The following PDE4B variants were observed in gnomAD, a reference collection of about 807,000 sequenced individuals.
PDE4B encodes 3',5'-cyclic-AMP phosphodiesterase 4B.
PDE4B carries 20 observed loss-of-function variants against 82.2 expected under a neutral mutation model. That is an observed-to-expected ratio of 0.24 (90% CI 0.17 to 0.35). The LOEUF is 0.35. Among genes scored for constraint, PDE4B ranks in the 10% least tolerant of loss-of-function variants. The probability of loss-of-function intolerance (pLI) is 1.00; values close to 1 mark genes in which losing one functional copy is unlikely to be tolerated. For synonymous variants in PDE4B, 320 were observed against 318.9 expected (o/e 1.00, Z -0.04); for missense variants, 655 against 907.2 (o/e 0.72, Z 3.57).
intron 7 of PDE4B, among the ~76,000 whole-genome samples, chr1:66,288,737 G>T (rs868280035): frequency 6.6e-6 from 1 of 152,112 alleles, no homozygotes; most frequent in African/African-American, 2.4e-5. Flanking sequence ...GAACAAAATT[G>T]TACCTTAGTG....
chr1:65,998,723 T>G (rs1162328025), intron 3 of PDE4B, among the ~76,000 whole-genome samples: 1 of 152,152 alleles, frequency 6.6e-6, no homozygotes, highest in Non-Finnish European at 1.5e-5. Flanking sequence ...TAGATAGTAC[T>G]AGCTGGTACA....
intron 1 of PDE4B, among the ~76,000 whole-genome samples, chr1:65,811,172 G>C (rs1375830891): frequency 6.6e-6 from 1 of 152,180 alleles, no homozygotes; most frequent in East Asian, 1.9e-4. Context: ...CTTATCCTTA[G>C]AACACCCCAT....
At chr1:66,225,410 C>T (rs150539624) in intron 3 of PDE4B, among the ~76,000 whole-genome samples, 31 of 152,218 alleles carry the variant, frequency 2.0e-4, no homozygotes, top group East Asian at 5.8e-4. Context: ...AGAATTCCTG[C>T]GTTTTTGAAG....
intron 3 of PDE4B, among the ~76,000 whole-genome samples, chr1:66,228,400 G>A (rs990556159): frequency 2.6e-5 from 4 of 152,032 alleles, no homozygotes; most frequent in African/African-American, 7.2e-5. Context: ...CAAGGCGGGC[G>A]GATCACGAGG....
intron 3 of PDE4B, among the ~76,000 whole-genome samples, chr1:66,180,096 A>C (rs1418257143): frequency 6.6e-6 from 1 of 152,240 alleles, no homozygotes; most frequent in Non-Finnish European, 1.5e-5. Flanking sequence ...AACAGAAATG[A>C]GTAACATGTT....
At chr1:66,204,725 G>A (rs1011570555) in intron 3 of PDE4B, among the ~76,000 whole-genome samples, 5 of 152,184 alleles carry the variant, frequency 3.3e-5, no homozygotes, top group Admixed American at 1.3e-4. Flanking sequence ...GGAGTGACCC[G>A]ATTTTCCAGG....
intron 1 of PDE4B, among the ~76,000 whole-genome samples, chr1:65,851,677 CTT>C (rs1348332462): frequency 6.6e-6 from 1 of 151,824 alleles, no homozygotes; most frequent in Non-Finnish European, 1.5e-5. Flanking sequence ...GGGATTAAAT[CTT>C]GAGTCCTTGT....
At chr1:66,185,086 G>C (rs4655600) in intron 3 of PDE4B, among the ~76,000 whole-genome samples, 1 of 151,854 alleles carries the variant, frequency 6.6e-6, no homozygotes, top group Admixed American at 6.6e-5. Flanking sequence ...GAGAACATGC[G>C]GTGTTTGGTT....
chr1:65,857,511 G>A (rs1254192602), intron 1 of PDE4B, among the ~76,000 whole-genome samples: 1 of 152,168 alleles, frequency 6.6e-6, no homozygotes, highest in Non-Finnish European at 1.5e-5. Context: ...GAGAAGCGAT[G>A]TGGATACCTG....
intron 1 of PDE4B, among the ~76,000 whole-genome samples, chr1:65,799,936 C>A (rs1267826734): frequency 3.9e-5 from 6 of 152,202 alleles, no homozygotes; most frequent in Admixed American, 1.3e-4. Flanking sequence ...CACCTTCTTA[C>A]TATATGGAGA....
chr1:66,221,199 C>T (rs992130678), intron 3 of PDE4B, among the ~76,000 whole-genome samples: 4 of 152,046 alleles, frequency 2.6e-5, no homozygotes, highest in African/African-American at 9.7e-5. Context: ...TGGAAAGTGG[C>T]CACCCTCCTA....
chr1:66,097,874 T>TG (rs1645148023), intron 3 of PDE4B, among the ~76,000 whole-genome samples: 2 of 151,604 alleles, frequency 1.3e-5, no homozygotes, highest in Admixed American at 6.6e-5. Context: ...TTTTTTTTTT[T>TG]TGTATTTTTT....
At chr1:66,082,260 A>G (rs568308316) in intron 3 of PDE4B, among the ~76,000 whole-genome samples, 1 of 152,198 alleles carries the variant, frequency 6.6e-6, no homozygotes, top group South Asian at 2.1e-4. Flanking sequence ...CTGGCTGAGA[A>G]CAAGGAGCCT....
intron 3 of PDE4B, among the ~76,000 whole-genome samples, chr1:66,011,607 A>G (rs753415459): frequency 1.3e-5 from 2 of 152,112 alleles, no homozygotes; most frequent in Non-Finnish European, 2.9e-5. Flanking sequence ...GATGACAGAC[A>G]CTATTTCCTA....
At chr1:66,041,815 C>CAT (rs1437797699) in intron 3 of PDE4B, among the ~76,000 whole-genome samples, 2 of 74,984 alleles carry the variant, frequency 2.7e-5, no homozygotes, top group Non-Finnish European at 5.4e-5. Context: ...CACACACACA[C>CAT]ACACACACAC....
At chr1:65,962,609 A>G (rs1308023725) in intron 3 of PDE4B, among the ~76,000 whole-genome samples, 1 of 152,186 alleles carries the variant, frequency 6.6e-6, no homozygotes, top group African/African-American at 2.4e-5. Context: ...TCATTGGGCC[A>G]TGGGAAAGCT....
intron 3 of PDE4B, among the ~76,000 whole-genome samples, chr1:66,107,623 T>A (rs1208308408): frequency 6.6e-6 from 1 of 152,024 alleles, no homozygotes; most frequent in African/African-American, 2.4e-5. Flanking sequence ...AAATAACATA[T>A]TGTTATGCAG....
At chr1:66,279,362 T>C (rs955054947) in intron 7 of PDE4B, among the ~76,000 whole-genome samples, 1 of 152,040 alleles carries the variant, frequency 6.6e-6, no homozygotes, top group Non-Finnish European at 1.5e-5. Flanking sequence ...TAGACTCTGA[T>C]TGTGAGTTTA....
At chr1:66,136,855 C>G (rs1274817389) in intron 3 of PDE4B, among the ~76,000 whole-genome samples, 2 of 151,848 alleles carry the variant, frequency 1.3e-5, no homozygotes, top group Non-Finnish European at 2.9e-5. Flanking sequence ...GAAGGAGAAC[C>G]TGGAGAGTAA....
Sources: allele counts gnomAD v4.1 joint callset (sites outside exome capture counted in the v4.1 genomes callset), GRCh38; gene constraint gnomAD v4.1.1; transcripts MANE v1.5; gene names NCBI Gene and HGNC (gene_info 2026-07-23, HGNC 2026-07-21).